Variants in RPRD2 observed in about 807,000 individuals in gnomAD.
The protein encoded by RPRD2 is regulation of nuclear pre-mRNA domain containing 2.
Under a neutral mutation model 104.4 loss-of-function variants are expected in RPRD2, and 12 were observed. That is an observed-to-expected ratio of 0.11 (90% CI 0.07 to 0.19). RPRD2 has a LOEUF of 0.19. Among genes scored for constraint, RPRD2 ranks in the 10% least tolerant of loss-of-function variants. RPRD2 has a pLI of 1.00. For synonymous variants in RPRD2, 714 were observed against 684.9 expected (o/e 1.04, Z -0.66); for missense variants, 1,543 against 1,790.1 (o/e 0.86, Z 2.49).
chr1:150,394,165 C>A (rs1162460276), intron 1 of RPRD2, among the ~76,000 whole-genome samples: 1 of 151,612 alleles, frequency 6.6e-6, no homozygotes, highest in Non-Finnish European at 1.5e-5. Context: ...ATTCTCCTGA[C>A]TCAGCCTCCT....
chr1:150,412,085 C>T (rs192178806), intron 1 of RPRD2, among the ~76,000 whole-genome samples: 4 of 152,160 alleles, frequency 2.6e-5, no homozygotes, highest in Admixed American at 6.6e-5. Context: ...ATCACACCAC[C>T]GCACTCTGGC....
At chr1:150,426,976 C>T (rs1665175158) in intron 2 of RPRD2, among the ~76,000 whole-genome samples, 1 of 151,502 alleles carries the variant, frequency 6.6e-6, no homozygotes, top group Non-Finnish European at 1.5e-5. Context: ...GAAACCCTGT[C>T]TCTACTAAAA....
chr1:150,469,336 CAG>C (rs950759518), intron 10 of RPRD2, among the ~76,000 whole-genome samples: 3 of 152,116 alleles, frequency 2.0e-5, no homozygotes, highest in Non-Finnish European at 4.4e-5. Context: ...TGTGCAGTGG[CAG>C]AGTCATAGTT....
chr1:150,405,027 G>A (rs1460296230), intron 1 of RPRD2, among the ~76,000 whole-genome samples: 10 of 152,102 alleles, frequency 6.6e-5, no homozygotes, highest in African/African-American at 2.4e-4. Flanking sequence ...AATATTTCAC[G>A]GATTTTGTCA....
In RPRD2 at chr1:150,475,018, C is replaced by T. The variant is rs1668820802; in HGVS notation, c.*1684C>T. 6.6e-6 allele frequency: 1 copy of T among 152,038 alleles called. No individual in the cohort carries two copies. The highest frequency in any genetic ancestry group is 2.1e-4 in the South Asian group (1 of 4,814). 9.4% of individuals were successfully genotyped at this position (152,038 alleles called of 1,614,324 possible). ...TATTCTGTTATTTATTTGGGCTCGC[C>T]ATGTGTTCTGGGGTTAGGATGCTGC... is the stretch of plus-strand genomic sequence containing the variant. On this transcript the variant is annotated 3_prime_UTR_variant, in exon 11 of 11. Transcript: ENST00000369068.
In RPRD2 at chr1:150,376,292, T is replaced by G. The variant is rs1660684555; in HGVS notation, c.205+11373T>G. Among the ~76,000 whole-genome samples the G allele has an allele frequency of 2.6e-5, 4 of 152,162 alleles. No homozygotes were observed. The South Asian group carries it at 8.3e-4, about 32-fold the overall frequency. ...TATAATTAATTTCACTTACTTGCAC[T>G]TTCTAGTTCTCTGGAATCCATTAGC... is the stretch of plus-strand genomic sequence containing the variant. On this transcript the variant is annotated intron_variant, in intron 1 of 10. Transcript: ENST00000369068.
At position 150,473,287 on chromosome 1, in the gene RPRD2, C is replaced by A. The variant is rs1668724291; in HGVS notation, c.4339C>A (p.Pro1447Thr). The change falls in exon 11 of 11, where the codon CCT (proline) becomes ACT (threonine). Residue 1447 changes from proline (P) to threonine (T), a missense_variant. Pro to Thr is a conservative substitution (Grantham distance 38). Around this residue, in one of 4 missense-constraint regions of RPRD2, gnomAD observed 880 missense variants for 885.6 expected, o/e 0.99. Coordinates refer to ENST00000369068, the MANE Select transcript of RPRD2 (RefSeq NM_015203.5). ...KRPRPPFARG[P>T]PFFAPKRPFF... is the part of the protein sequence containing the mutation. The stretch of plus-strand genomic sequence containing the variant: ...ACCCAGGCCACCTTTTGCTAGGGGC[C>A]CTCCGTTCTTTGCACCAAAACGCCC... 1.9e-6 allele frequency: 3 copies of A among 1,613,330 alleles called. No homozygotes were observed. Among genetic ancestry groups the A allele is most frequent in the Non-Finnish European group, 2.5e-6 (3 of 1,179,700 alleles).
intron 1 of RPRD2, among the ~76,000 whole-genome samples, chr1:150,394,207 C>T (rs782169498): frequency 3.3e-5 from 5 of 151,936 alleles, no homozygotes; most frequent in Non-Finnish European, 7.4e-5. Context: ...TGCACCACCA[C>T]GCCTGGCTAA....
intron 6 of RPRD2, among the ~76,000 whole-genome samples, chr1:150,444,700 G>A (rs191322300): frequency 6.6e-6 from 1 of 152,154 alleles, no homozygotes; most frequent in African/African-American, 2.4e-5. Context: ...TCCTTGCATT[G>A]TAAATTGTAA....
intron 1 of RPRD2, among the ~76,000 whole-genome samples, chr1:150,401,804 C>G (rs1316832177): frequency 6.6e-6 from 1 of 151,534 alleles, no homozygotes; most frequent in Non-Finnish European, 1.5e-5. Flanking sequence ...CCACCACGCC[C>G]GGCTAATTTT....
intron 2 of RPRD2, among the ~76,000 whole-genome samples, chr1:150,430,395 CCG>C (rs1665471768): frequency 6.6e-6 from 1 of 151,988 alleles, no homozygotes; most frequent in African/African-American, 2.4e-5. Flanking sequence ...TGAAGGCCAG[CCG>C]TGGTGGCTCA....
intron 1 of RPRD2, among the ~76,000 whole-genome samples, chr1:150,373,548 T>G (rs1660480933): frequency 6.7e-6 from 1 of 149,028 alleles, no homozygotes. Context: ...TTTTTTTTTT[T>G]TTTTTTAGCT....
In RPRD2 at chr1:150,364,818, C is replaced by T; in HGVS notation, c.104C>T (p.Thr35Ile). 1.2e-6 allele frequency: 2 copies of T among 1,613,908 alleles called. No homozygotes were observed. The highest frequency in any genetic ancestry group is 1.7e-6 in the Non-Finnish European group (2 of 1,179,820). The stretch of plus-strand genomic sequence containing the variant: ...TTGGATCGAAAATTCCAGTCGGTAA[C>T]CAACACCATGGAGTCCATTCAAGGC... ...SSLDRKFQSV[T>I]NTMESIQGLS... The change falls in exon 1 of 11, where the codon ACC becomes ATC. Residue 35 changes from threonine (T) to isoleucine (I), a missense_variant. Physicochemically the swap from Thr to Ile is moderately conservative, Grantham distance 89. Around this residue, in one of 4 missense-constraint regions of RPRD2, gnomAD observed 88 missense variants for 96.6 expected, o/e 0.91. Transcript: ENST00000369068.
intron 1 of RPRD2, among the ~76,000 whole-genome samples, chr1:150,412,873 A>T (rs1367791355): frequency 2.0e-5 from 3 of 152,200 alleles, no homozygotes; most frequent in African/African-American, 7.2e-5. Flanking sequence ...AATGATTTGT[A>T]ATCTGTAGAC....
In RPRD2 at chr1:150,387,290, G is replaced by A. The variant is rs116645485; in HGVS notation, c.205+22371G>A. 1.3e-3 allele frequency among the ~76,000 whole-genome samples: 197 copies of A among 152,260 alleles called. 1 individual carries two copies. Among genetic ancestry groups the A allele is most frequent in the African/African-American group, 4.6e-3 (190 of 41,560 alleles). ...ATGGATAAGCACTTCAGACCACAGT[G>A]TGTTAAGTGAGAAGAGAATAGGGCC... On this transcript the variant is annotated intron_variant, in intron 1 of 10. Transcript: ENST00000369068.
intron 8 of RPRD2, among the ~76,000 whole-genome samples, chr1:150,458,813 T>A (rs1207933258): frequency 1.3e-5 from 2 of 152,072 alleles, no homozygotes; most frequent in Non-Finnish European, 2.9e-5. Flanking sequence ...CCGGCTATTT[T>A]TTGTATGTTT....
chr1:150,450,907 C>T (rs1429940637), intron 7 of RPRD2, among the ~76,000 whole-genome samples: 2 of 151,950 alleles, frequency 1.3e-5, no homozygotes, highest in Non-Finnish European at 2.9e-5. Flanking sequence ...CACCGTGCCC[C>T]TCCAGGTGTA....
chr1:150,389,612 G>A (rs1478059893), intron 1 of RPRD2, among the ~76,000 whole-genome samples: 7 of 152,158 alleles, frequency 4.6e-5, no homozygotes, highest in South Asian at 4.1e-4. Context: ...CTTTTTTGAA[G>A]CCTCTTACAC....
intron 1 of RPRD2, among the ~76,000 whole-genome samples, chr1:150,367,464 A>G (rs587660206): frequency 1.4e-4 from 22 of 151,802 alleles, no homozygotes; most frequent in Admixed American, 5.3e-4. Flanking sequence ...TGAAGCAGGT[A>G]TCTTTGGCAT....
Sources: allele counts gnomAD v4.1 joint callset (sites outside exome capture counted in the v4.1 genomes callset), GRCh38; gene constraint gnomAD v4.1.1; regional missense constraint gnomAD v4.1.1; transcripts MANE v1.5; gene names NCBI Gene and HGNC (gene_info 2026-07-23, HGNC 2026-07-21).